Variants in ROBO1 observed in about 807,000 individuals in gnomAD.
ROBO1 encodes roundabout guidance receptor 1.
Under a neutral mutation model 195.9 loss-of-function variants are expected in ROBO1, and 149 were observed. That is an observed-to-expected ratio of 0.76 (90% confidence interval 0.67 to 0.87). The LOEUF is 0.87. Ranked by LOEUF, ROBO1 falls within the 40% of genes least tolerant of loss-of-function variation. ROBO1 has a pLI of 0.00. For synonymous variants in ROBO1, 816 were observed against 733.2 expected (o/e 1.11, Z -1.82); for missense variants, 1,933 against 2,068.3 (o/e 0.93, Z 1.27).
intron 1 of ROBO1, among the ~76,000 whole-genome samples, chr3:79,761,136 TATA>T (rs960679349): frequency 1.2e-4 from 18 of 148,088 alleles, no homozygotes; most frequent in South Asian, 4.2e-4. Flanking sequence ...CTACTAAATA[TATA>T]ATAATAATAT....
chr3:78,998,759 A>T (rs914792196), intron 3 of ROBO1, among the ~76,000 whole-genome samples: 3 of 151,872 alleles, frequency 2.0e-5, no homozygotes, highest in Non-Finnish European at 4.4e-5. Flanking sequence ...TTTACTCATC[A>T]TCTCTCCCCT....
intron 3 of ROBO1, among the ~76,000 whole-genome samples, chr3:79,003,056 C>T (rs2077541312): frequency 6.6e-6 from 1 of 152,084 alleles, no homozygotes; most frequent in Admixed American, 6.6e-5. Flanking sequence ...TCTCTTAATC[C>T]TCTTAGAAGC....
At chr3:78,813,799 C>A (rs2084817372) in intron 4 of ROBO1, among the ~76,000 whole-genome samples, 1 of 151,994 alleles carries the variant, frequency 6.6e-6, no homozygotes, top group Non-Finnish European at 1.5e-5. Context: ...TAATAGTTAT[C>A]ATTTATTGAA....
intron 1 of ROBO1, among the ~76,000 whole-genome samples, chr3:79,699,479 T>A (rs1208505237): frequency 6.6e-6 from 1 of 151,596 alleles, no homozygotes; most frequent in Non-Finnish European, 1.5e-5. Flanking sequence ...TATATAAATA[T>A]GCATTTTTAT....
chr3:79,396,859 C>T (rs980935401), intron 2 of ROBO1, among the ~76,000 whole-genome samples: 1 of 152,176 alleles, frequency 6.6e-6, no homozygotes, highest in South Asian at 2.1e-4. Flanking sequence ...TTTTGGCTTT[C>T]TAAAATTTAA....
At chr3:79,137,639 A>T (rs965380530) in intron 2 of ROBO1, among the ~76,000 whole-genome samples, 2 of 152,030 alleles carry the variant, frequency 1.3e-5, no homozygotes, top group African/African-American at 2.4e-5. Context: ...CATCATCATG[A>T]TTCTCATCAG....
chr3:79,355,812 T>A (rs1236440367), intron 2 of ROBO1, among the ~76,000 whole-genome samples: 1 of 152,168 alleles, frequency 6.6e-6, no homozygotes, highest in Non-Finnish European at 1.5e-5. Flanking sequence ...ATTCACCCAT[T>A]AATGGACATT....
chr3:78,845,827 C>T (rs76689223), intron 4 of ROBO1, among the ~76,000 whole-genome samples: 255 of 152,216 alleles, frequency 1.7e-3, no homozygotes, highest in African/African-American at 5.1e-3. Flanking sequence ...AGGTAATACA[C>T]GTGATTATGA....
chr3:79,496,754 T>G (rs1333805514), intron 2 of ROBO1, among the ~76,000 whole-genome samples: 2 of 152,166 alleles, frequency 1.3e-5, no homozygotes, highest in African/African-American at 4.8e-5. Flanking sequence ...GTAAAAATTA[T>G]GGAGAAAATG....
intron 1 of ROBO1, among the ~76,000 whole-genome samples, chr3:79,700,297 GTGTGTTTGTGTGTGTGTGTT>G (rs1947578195): frequency 7.7e-6 from 1 of 130,670 alleles, no homozygotes; most frequent in South Asian, 2.6e-4. Context: ...ACGTGTGTGT[GTGTGTTTGTGTGTGTGTGTT>G]TGTGTGTGTG....
chr3:79,261,569 G>A (rs956329075), intron 2 of ROBO1, among the ~76,000 whole-genome samples: 3 of 151,698 alleles, frequency 2.0e-5, no homozygotes, highest in Admixed American at 6.6e-5. Context: ...CATTTTTAAG[G>A]CTATCTTCTT....
At position 79,343,979 on chromosome 3, in the gene ROBO1, G is replaced by A. The variant is rs566499033; in HGVS notation, c.89-218440C>T. Among the ~76,000 whole-genome samples, 23 of 152,116 alleles carry A rather than the reference G, an allele frequency of 1.5e-4. No homozygotes were observed. The South Asian group carries it at 4.8e-3, about 32-fold the overall frequency. On this transcript the variant is annotated intron_variant, in intron 2 of 30. Transcript: ENST00000464233. ...ACTCAGACTCCCAGGCCCCATCTCA[G>A]TACTAAAGTCAGAATATGTAGGAAA...
intron 10 of ROBO1, among the ~76,000 whole-genome samples, chr3:78,676,851 G>A (rs914462380): frequency 5.3e-5 from 8 of 152,102 alleles, no homozygotes; most frequent in African/African-American, 1.7e-4. Context: ...CTCGAGAAGA[G>A]CAACTCCAAG....
intron 2 of ROBO1, among the ~76,000 whole-genome samples, chr3:79,536,008 T>C (rs9853895): frequency 0.57 from 86,837 of 151,836 alleles, 24,964 homozygotes; most frequent in Non-Finnish European, 0.6. Context: ...TGGATCTTCC[T>C]ATTAACAATA....
At chr3:78,656,436 C>T (rs1478556246) in intron 18 of ROBO1, among the ~76,000 whole-genome samples, 1 of 150,586 alleles carries the variant, frequency 6.6e-6, no homozygotes. Context: ...CTGCAAGCTC[C>T]GCCTCCCAGG....
At chr3:79,613,899 C>T (rs982136005) in intron 1 of ROBO1, among the ~76,000 whole-genome samples, 7 of 151,820 alleles carry the variant, frequency 4.6e-5, no homozygotes, top group African/African-American at 1.5e-4. Flanking sequence ...TCAAATAAAG[C>T]CAACTCAGAA....
chr3:79,576,542 C>CAAAGAAAAAA (rs1258735736), intron 2 of ROBO1, among the ~76,000 whole-genome samples: 3 of 151,500 alleles, frequency 2.0e-5, no homozygotes, highest in Non-Finnish European at 4.4e-5. Flanking sequence ...GAAAACAAAA[C>CAAAGAAAAAA]AAAGAAAAAA....
chr3:78,830,741 C>T (rs2032098454), intron 4 of ROBO1, among the ~76,000 whole-genome samples: 2 of 152,042 alleles, frequency 1.3e-5, no homozygotes, highest in Admixed American at 1.3e-4. Context: ...TTAGTAGAGG[C>T]AACAGGAAAA....
chr3:79,244,865 AT>A (rs939445201), intron 2 of ROBO1, among the ~76,000 whole-genome samples: 10 of 151,848 alleles, frequency 6.6e-5, no homozygotes, highest in South Asian at 2.1e-4. Context: ...AATATACTTC[AT>A]TTTTTTTCCA....
Sources: allele counts gnomAD v4.1 joint callset (sites outside exome capture counted in the v4.1 genomes callset), GRCh38; gene constraint gnomAD v4.1.1; transcripts MANE v1.5; gene names NCBI Gene and HGNC (gene_info 2026-07-23, HGNC 2026-07-21).